The following ASIC2 variants were observed in gnomAD, a reference collection of about 807,000 sequenced individuals.
ASIC2 encodes the protein acid-sensing ion channel 2.
A neutral mutation model predicts 57.3 loss-of-function variants in ASIC2; 25 were observed. The ratio of observed to expected loss-of-function variants is 0.44; its 90% CI spans 0.32 to 0.61. The LOEUF is 0.61. Among genes scored for constraint, ASIC2 ranks in the 20% least tolerant of loss-of-function variants. The pLI is 0.06. For synonymous variants in ASIC2, 319 were observed against 307.5 expected (o/e 1.04, Z -0.39); for missense variants, 641 against 738.1 (o/e 0.87, Z 1.52).
chr17:33,372,342 T>C (rs1191695155), intron 1 of ASIC2, among the ~76,000 whole-genome samples: 1 of 152,084 alleles, frequency 6.6e-6, no homozygotes. Context: ...TGCTACATTG[T>C]CCTTGAGTGA....
At chr17:33,171,240 C>A (rs1468427333) in intron 1 of ASIC2, among the ~76,000 whole-genome samples, 1 of 152,228 alleles carries the variant, frequency 6.6e-6, no homozygotes, top group African/African-American at 2.4e-5. Context: ...GAAATTTTAT[C>A]AAAGCCATTG....
intron 1 of ASIC2, among the ~76,000 whole-genome samples, chr17:33,916,556 A>T (rs779645961): frequency 6.6e-6 from 1 of 152,208 alleles, no homozygotes; most frequent in Non-Finnish European, 1.5e-5. Flanking sequence ...TGTTATTTCC[A>T]GAAGAAAGAA....
At position 34,031,048 on chromosome 17, in the gene ASIC2, T is replaced by A. The variant is rs564615273; in HGVS notation, c.555+124930A>T. 9.3e-4 allele frequency among the ~76,000 whole-genome samples: 141 copies of A among 152,296 alleles called. 1 individual carries two copies. Among genetic ancestry groups the A allele is most frequent in the African/African-American group, 3.1e-3 (129 of 41,566 alleles). ...CCAGCACACAGCTGGAGATCTGAGA[T>A]CGGGCAGACTGCCTCCTCAAGTGGG... On this transcript the variant is annotated intron_variant, in intron 1 of 9. Transcript: ENST00000359872.
chr17:33,195,695 G>T (rs1432587136), intron 1 of ASIC2, among the ~76,000 whole-genome samples: 1 of 152,158 alleles, frequency 6.6e-6, no homozygotes, highest in Non-Finnish European at 1.5e-5. Context: ...CATCTTCACT[G>T]TGCAGACAGG....
chr17:33,056,584 G>A (rs4794938), intron 3 of ASIC2, among the ~76,000 whole-genome samples: 479 of 152,286 alleles, frequency 3.1e-3, no homozygotes, highest in African/African-American at 6.2e-3. Context: ...CCACTGTAAT[G>A]TGCTGGGTGT....
chr17:33,888,526 T>C (rs1914884452), intron 1 of ASIC2, among the ~76,000 whole-genome samples: 1 of 152,026 alleles, frequency 6.6e-6, no homozygotes, highest in Non-Finnish European at 1.5e-5. Context: ...AAAAGAACAT[T>C]ACTGACCACG....
chr17:34,130,228 A>G (rs1911910397), intron 1 of ASIC2, among the ~76,000 whole-genome samples: 1 of 150,732 alleles, frequency 6.6e-6, no homozygotes, highest in South Asian at 2.1e-4. Flanking sequence ...ACTGCCACCC[A>G]TGACTTCACC....
At chr17:33,234,190 G>A (rs1247118900) in intron 1 of ASIC2, among the ~76,000 whole-genome samples, 1 of 152,214 alleles carries the variant, frequency 6.6e-6, no homozygotes. Flanking sequence ...GAAAGGTGAA[G>A]TTCGTAAAAA....
intron 1 of ASIC2, among the ~76,000 whole-genome samples, chr17:33,397,906 A>G (rs1567848065): frequency 6.6e-6 from 1 of 152,240 alleles, no homozygotes; most frequent in East Asian, 1.9e-4. Context: ...CTTTAGTCGA[A>G]TCTTATTCTT....
rs866275566 is a variant in ASIC2, at chr17:34,040,854, C to G, written c.555+115124G>C. Among the ~76,000 whole-genome samples, 3 of 152,302 alleles carry G rather than the reference C, an allele frequency of 2.0e-5. No individual in the cohort carries two copies. In the Middle Eastern group the frequency reaches 0.01, roughly 518 times the overall value. Reference sequence around the variant, plus strand: ...AGTAACAAAATATAATAAGAGTTAACATCATTAACTAGTCATCATGCAATT... The same window carrying G: ...AGTAACAAAATATAATAAGAGTTAAGATCATTAACTAGTCATCATGCAATT... On this transcript the variant is annotated intron_variant, in intron 1 of 9. Coordinates refer to the ASIC2 transcript ENST00000359872.
chr17:34,112,801 G>A (rs1911314800), intron 1 of ASIC2, among the ~76,000 whole-genome samples: 1 of 152,138 alleles, frequency 6.6e-6, no homozygotes, highest in Non-Finnish European at 1.5e-5. Flanking sequence ...GATGTTGTGG[G>A]ATGATTTCTC....
At chr17:33,532,668 A>C (rs1318663402) in intron 1 of ASIC2, among the ~76,000 whole-genome samples, 1 of 152,246 alleles carries the variant, frequency 6.6e-6, no homozygotes, top group African/African-American at 2.4e-5. Flanking sequence ...CACGTCACTG[A>C]CATTGGTCCT....
chr17:33,887,017 C>T (rs560038451), intron 1 of ASIC2, among the ~76,000 whole-genome samples: 1 of 152,224 alleles, frequency 6.6e-6, no homozygotes, highest in East Asian at 1.9e-4. Flanking sequence ...CAGGAGAGAG[C>T]CGACTGTGGT....
intron 1 of ASIC2, among the ~76,000 whole-genome samples, chr17:33,301,099 G>A (rs2069404582): frequency 1.3e-5 from 2 of 151,868 alleles, no homozygotes; most frequent in Admixed American, 6.6e-5. Context: ...TGGTGATCTC[G>A]ACTCACGGCA....
rs567299425 is a variant in ASIC2, at chr17:34,038,909, A to G, written c.555+117069T>C. On this transcript the variant is annotated intron_variant, in intron 1 of 9. Transcript: ENST00000359872. ...TGAATTTATCCTTTCCTGTTGCTTG[A>G]TAAGATTCTGAAAAGCATAACCATC... 118 of 1,612,764 alleles carry G rather than the reference A, an allele frequency of 7.3e-5. 1 individual carries two copies. The African/African-American group carries it at 1.3e-3, about 18-fold the overall frequency.
intron 1 of ASIC2, among the ~76,000 whole-genome samples, chr17:33,519,611 A>G (rs1482040766): frequency 2.0e-5 from 3 of 152,158 alleles, no homozygotes; most frequent in Admixed American, 6.5e-5. Context: ...GCTCACTGTC[A>G]TGGAAAAACT....
chr17:34,103,724 T>C (rs1910947038), intron 1 of ASIC2, among the ~76,000 whole-genome samples: 1 of 152,194 alleles, frequency 6.6e-6, no homozygotes, highest in African/African-American at 2.4e-5. Context: ...TCCTTTTTCC[T>C]TTGAGTGACT....
chr17:33,168,755 G>T (rs977500839), intron 1 of ASIC2, among the ~76,000 whole-genome samples: 3 of 152,100 alleles, frequency 2.0e-5, no homozygotes, highest in East Asian at 1.9e-4. Context: ...AAATAGGAAA[G>T]AAATTATTAA....
At chr17:33,495,904 T>C (rs1426737940) in intron 1 of ASIC2, among the ~76,000 whole-genome samples, 1 of 152,152 alleles carries the variant, frequency 6.6e-6, no homozygotes, top group Non-Finnish European at 1.5e-5. Context: ...TGAAGGCAGA[T>C]GGGAACATCC....
Sources: allele counts gnomAD v4.1 joint callset (sites outside exome capture counted in the v4.1 genomes callset), GRCh38; gene constraint gnomAD v4.1.1; transcripts MANE v1.5; gene names NCBI Gene and HGNC (gene_info 2026-07-23, HGNC 2026-07-21).